Variants in ADGRL2 observed in about 807,000 individuals in gnomAD.
ADGRL2 encodes adhesion G protein-coupled receptor L2, also known as calcium-independent alpha-latrotoxin receptor 2.
Under a neutral mutation model 157.4 loss-of-function variants are expected in ADGRL2, and 44 were observed. The observed-to-expected ratio is 0.28, with a 90% confidence interval of 0.22 to 0.36. The LOEUF is 0.36. Among genes scored for constraint, ADGRL2 ranks in the 10% least tolerant of loss-of-function variants. The pLI, the probability that ADGRL2 is intolerant of heterozygous loss-of-function variation, is 1.00. For missense variants in ADGRL2, 1,510 were observed against 1,768.9 expected, an observed-to-expected ratio of 0.85 and a Z score of 2.63; for synonymous variants, 585 against 624.7, an observed-to-expected ratio of 0.94 and a Z score of 0.95.
chr1:81,937,738 GAC>G (rs902483458), intron 4 of ADGRL2, among the ~76,000 whole-genome samples: 1 of 151,690 alleles, frequency 6.6e-6, no homozygotes, highest in African/African-American at 2.4e-5. Context: ...GCTGATTTGA[GAC>G]AGTTTTTGTA....
At chr1:81,984,442 TGCAAGTTCAA>T in intron 19 of ADGRL2, 131 bp from the exon 20 acceptor site, 1 of 820,936 alleles carries the variant, frequency 1.2e-6, no homozygotes. Flanking sequence ...AACTTGATTT[TGCAAGTTCAA>T]TTTATTTTCT....
At chr1:81,538,808 C>T (rs117086358) in intron 2 of ADGRL2, among the ~76,000 whole-genome samples, 3,696 of 152,082 alleles carry the variant, frequency 0.024, 77 homozygotes, top group Non-Finnish European at 0.035. Context: ...AGTTCAAGAC[C>T]AGCCTTGGCA....
At chr1:81,864,177 T>G (rs551145009) in intron 2 of ADGRL2, among the ~76,000 whole-genome samples, 1 of 152,298 alleles carries the variant, frequency 6.6e-6, no homozygotes, top group African/African-American at 2.4e-5. Flanking sequence ...TCTAGTAAGT[T>G]TCAATATATT....
At chr1:81,836,803 A>G (rs1458921862) in intron 1 of ADGRL2, 82 bp from the exon 2 acceptor site, 1 of 467,184 alleles carries the variant, frequency 2.1e-6, no homozygotes, top group African/African-American at 2.0e-5. Flanking sequence ...TATTCAGGAG[A>G]GAGAGAGAGG....
chr1:81,917,677 A>G (rs577931548), intron 3 of ADGRL2, among the ~76,000 whole-genome samples: 7 of 152,298 alleles, frequency 4.6e-5, no homozygotes, highest in African/African-American at 1.7e-4. Context: ...TCACCTATCT[A>G]CATTACTCAT....
intron 20 of ADGRL2, 33 bp downstream of exon 20, chr1:81,984,744 C>A (rs1267597378): frequency 4.4e-6 from 7 of 1,607,976 alleles, no homozygotes; most frequent in Non-Finnish European, 6.0e-6. Context: ...CTTTAATTAA[C>A]CTTATTTATA....
At chr1:81,784,995 G>A (rs1176542403) in intron 2 of ADGRL2, among the ~76,000 whole-genome samples, 2 of 152,002 alleles carry the variant, frequency 1.3e-5, no homozygotes, top group East Asian at 3.9e-4. Context: ...GAGAAGCTTA[G>A]TTTTACTTTT....
At chr1:81,864,717 TTTGGGAGG>T (rs2093485482) in intron 2 of ADGRL2, among the ~76,000 whole-genome samples, 1 of 152,112 alleles carries the variant, frequency 6.6e-6, no homozygotes, top group Admixed American at 6.6e-5. Flanking sequence ...ATCCCAGCAC[TTTGGGAGG>T]CTGAGGTGGG....
At chr1:81,703,012 A>G (rs1489955807) in intron 1 of ADGRL2, among the ~76,000 whole-genome samples, 1 of 152,228 alleles carries the variant, frequency 6.6e-6, no homozygotes, top group Non-Finnish European at 1.5e-5. Context: ...GTGTAGAAGC[A>G]CAACACACTG....
intron 2 of ADGRL2, among the ~76,000 whole-genome samples, chr1:81,486,386 TA>T (rs1193626627): frequency 6.6e-6 from 1 of 152,142 alleles, no homozygotes; most frequent in Non-Finnish European, 1.5e-5. Flanking sequence ...GTGTGATTCC[TA>T]AATTGTCTCT....
chr1:81,419,129 T>C (rs1312554555), intron 1 of ADGRL2, among the ~76,000 whole-genome samples: 2 of 152,042 alleles, frequency 1.3e-5, no homozygotes, highest in East Asian at 1.9e-4. Context: ...AAGTGTAAAG[T>C]GGAGCATATT....
At position 81,744,975 on chromosome 1, in the gene ADGRL2, T is replaced by C. The variant is rs948292895; in HGVS notation, c.-142-16836T>C. 3.3e-5 allele frequency among the ~76,000 whole-genome samples: 5 copies of C among 152,272 alleles called. No individual in the cohort carries two copies. The South Asian group carries it at 6.2e-4, about 19-fold the overall frequency. ...CCAAGCACAGAAGGAAATAATTTGA[T>C]AACAAACCAAAGTACTCCAGTGCCT... On this transcript the variant is annotated intron_variant, in intron 1 of 20. Transcript: ENST00000359929.
chr1:81,528,905 G>C (rs978672314), intron 2 of ADGRL2, among the ~76,000 whole-genome samples: 42 of 152,312 alleles, frequency 2.8e-4, no homozygotes, highest in African/African-American at 1.0e-3. Context: ...GATACTATAA[G>C]TGAGGAAGAT....
At chr1:81,919,700 A>G (rs923151216) in intron 3 of ADGRL2, among the ~76,000 whole-genome samples, 2 of 152,130 alleles carry the variant, frequency 1.3e-5, no homozygotes, top group Non-Finnish European at 2.9e-5. Flanking sequence ...TCTTATCATT[A>G]ATTAATAGAA....
intron 1 of ADGRL2, among the ~76,000 whole-genome samples, chr1:81,420,853 G>A (rs759442906): frequency 6.6e-6 from 1 of 152,060 alleles, no homozygotes; most frequent in Non-Finnish European, 1.5e-5. Context: ...TATGAAAGAT[G>A]AACTACATTA....
At chr1:81,847,163 A>G (rs1452954920) in intron 2 of ADGRL2, among the ~76,000 whole-genome samples, 3 of 151,870 alleles carry the variant, frequency 2.0e-5, no homozygotes, top group African/African-American at 7.2e-5. Flanking sequence ...TCAGGAAGAG[A>G]TGTGTACAGC....
intron 2 of ADGRL2, among the ~76,000 whole-genome samples, chr1:81,855,077 T>TAAC (rs1408205733): frequency 1.3e-5 from 2 of 152,014 alleles, no homozygotes; most frequent in Non-Finnish European, 2.9e-5. Context: ...ACCAGGGAAT[T>TAAC]AACATAAACA....
At chr1:81,858,831 A>G (rs1238160458) in intron 2 of ADGRL2, among the ~76,000 whole-genome samples, 1 of 152,208 alleles carries the variant, frequency 6.6e-6, no homozygotes, top group African/African-American at 2.4e-5. Flanking sequence ...AAAGTGCGCC[A>G]TTTGTAACTT....
At chr1:81,931,098 A>G (rs1444055644) in intron 3 of ADGRL2, among the ~76,000 whole-genome samples, 1 of 152,172 alleles carries the variant, frequency 6.6e-6, no homozygotes, top group Non-Finnish European at 1.5e-5. Context: ...GCAGTGAGCC[A>G]AGATCGTGCC....
Sources: allele counts gnomAD v4.1 joint callset (sites outside exome capture counted in the v4.1 genomes callset), GRCh38; gene constraint gnomAD v4.1.1; transcripts MANE v1.5; gene names NCBI Gene and HGNC (gene_info 2026-07-23, HGNC 2026-07-21).